PLCG1: variants seen among roughly 807,000 people sequenced by gnomAD.
The protein encoded by PLCG1 is 1-phosphatidylinositol 4,5-bisphosphate phosphodiesterase gamma-1.
PLCG1 carries 71 observed loss-of-function variants against 177.8 expected under a neutral mutation model. The ratio of observed to expected loss-of-function variants is 0.40; its 90% CI spans 0.33 to 0.49. The LOEUF is 0.49. Among genes scored for constraint, PLCG1 ranks in the 20% least tolerant of loss-of-function variants. The pLI, the probability that PLCG1 is intolerant of heterozygous loss-of-function variation, is 0.72. For synonymous variants in PLCG1, 658 were observed against 647.9 expected (o/e 1.02, Z -0.24); for missense variants, 1,281 against 1,709.0 (o/e 0.75, Z 4.42).
chr20:41,172,796 A>G lies in PLCG1; in HGVS notation c.3198A>G (p.Pro1066=), dbSNP rs756544402. ...TGRHCGYVLQ[P]STMRDEAFDP... is the part of the protein sequence containing the mutation. ...GGCACTGTGGCTACGTGCTGCAGCC[A>G]AGCACCATGCGGGATGAGGCCTTCG... Residue 1066 remains proline (P), a synonymous_variant, in exon 27 of 32, where the codon CCA becomes CCG. Coordinates refer to ENST00000685551, the MANE Select transcript of PLCG1 (RefSeq NM_002660.3). The surrounding 1 kb of genome is among the most constrained non-coding windows in gnomAD (Gnocchi z 7.0). 2.5e-6 allele frequency: 4 copies of G among 1,614,152 alleles called. No individual in the cohort carries two copies. The Admixed American group carries it at 6.7e-5, about 27-fold the overall frequency.
Position 41,150,003 on chromosome 20 carries a change from G to C in PLCG1, c.218-9603G>C, listed in dbSNP as rs966211646. ...GAGCCCAGGAGTTCAAGAACAGCCT[G>C]GGCAACATGGCAAAACACCATCTCT... On this transcript the variant is annotated intron_variant, in intron 1 of 31. Transcript: ENST00000685551. The surrounding 1 kb of genome is among the most constrained non-coding windows in gnomAD (Gnocchi z 4.0). Among the ~76,000 whole-genome samples, 6 of 152,280 alleles carry C rather than the reference G, an allele frequency of 3.9e-5. No individual in the cohort carries two copies. The highest frequency in any genetic ancestry group is 1.4e-4 in the African/African-American group (6 of 41,554).
rs1405977911 is a variant in PLCG1, at chr20:41,167,068, G to A, written c.2301+209G>A. Among the ~76,000 whole-genome samples, 2 of 152,190 alleles carry A rather than the reference G, an allele frequency of 1.3e-5. No individual in the cohort carries two copies. The highest frequency in any genetic ancestry group is 2.9e-5 in the Non-Finnish European group (2 of 68,024). On this transcript the variant is annotated intron_variant, in intron 19 of 31. Transcript: ENST00000685551. The surrounding 1 kb of genome is among the most constrained non-coding windows in gnomAD (Gnocchi z 4.4). ...AGCAGCATCTTTAAGGATGGGGACA[G>A]GCACATAAGCAGAGGGTTCCTCATG... is the stretch of plus-strand genomic sequence containing the variant.
chr20:41,164,874 C>A lies in PLCG1; in HGVS notation c.1218-59C>A. 1.3e-6 allele frequency: 2 copies of A among 1,535,450 alleles called. No homozygotes were observed. The highest frequency in any genetic ancestry group is 1.9e-4 in the Middle Eastern group (1 of 5,294). ...GCTTCCAACAGCTCACTGTGAGGGGCTACTTAGACCCAGAGAATTGCAGAA... is the reference window on the plus strand; with the variant it reads ...GCTTCCAACAGCTCACTGTGAGGGGATACTTAGACCCAGAGAATTGCAGAA... On this transcript the variant is annotated intron_variant, in intron 12 of 31. Transcript: ENST00000685551. The surrounding 1 kb of genome is among the most constrained non-coding windows in gnomAD (Gnocchi z 6.4).
intron 1 of PLCG1, among the ~76,000 whole-genome samples, chr20:41,142,775 T>C (rs763353916): frequency 4.6e-5 from 7 of 152,122 alleles, no homozygotes; most frequent in Non-Finnish European, 7.4e-5. Context: ...TTTGTGAGGA[T>C]TTGATGAGAA....
Position 41,146,099 on chromosome 20 carries a change from C to T in PLCG1, c.217+8241C>T, listed in dbSNP as rs1352504174. Among the ~76,000 whole-genome samples, 11 of 152,210 alleles carry T rather than the reference C, an allele frequency of 7.2e-5. No homozygotes were observed. The highest frequency in any genetic ancestry group is 1.9e-4 in the East Asian group (1 of 5,194). ...GGCCCTGGCCCTTCCTGGTGTTGGC[C>T]GGTGGCCCTGGCTTCAGCAAGACTC... On this transcript the variant is annotated intron_variant, in intron 1 of 31. Coordinates refer to ENST00000685551, the MANE Select transcript of PLCG1 (RefSeq NM_002660.3). The surrounding 1 kb of genome is among the most constrained non-coding windows in gnomAD (Gnocchi z 6.3).
Position 41,163,193 on chromosome 20 carries a change from C to T in PLCG1, c.717-10C>T, listed in dbSNP as rs748487926. On this transcript the variant is annotated splice_polypyrimidine_tract_variant and intron_variant, in intron 7 of 31. Coordinates refer to ENST00000685551, the MANE Select transcript of PLCG1 (RefSeq NM_002660.3). The surrounding 1 kb of genome is among the most constrained non-coding windows in gnomAD (Gnocchi z 5.2). The stretch of plus-strand genomic sequence containing the variant: ...GACCATACTAGCTAGCTTACCTTCT[C>T]TCCCTGCAGGGCTGGGGAGCGGCCG... The T allele has an allele frequency of 6.5e-7, 1 of 1,544,786 alleles. No individual in the cohort carries two copies. Among genetic ancestry groups the T allele is most frequent in the East Asian group, 2.3e-5 (1 of 44,386 alleles).
At position 41,148,302 on chromosome 20, in the gene PLCG1, G is replaced by T. The variant is rs568480835; in HGVS notation, c.217+10444G>T. ...GGGTTCAGGGAGTGGCAGAGGGGAA[G>T]GCCTCTATTCTCCCTTTCCCACTTG... On this transcript the variant is annotated intron_variant, in intron 1 of 31. Coordinates refer to ENST00000685551, the MANE Select transcript of PLCG1 (RefSeq NM_002660.3). This position sits in a 1 kb window ranked among gnomAD's most constrained non-coding sequence, Gnocchi z 4.3. Among the ~76,000 whole-genome samples the T allele has an allele frequency of 6.6e-6, 1 of 152,304 alleles. No homozygotes were observed. Among genetic ancestry groups the T allele is most frequent in the East Asian group, 1.9e-4 (1 of 5,186 alleles).
At chr20:41,141,354 T>C (rs2034819052) in intron 1 of PLCG1, among the ~76,000 whole-genome samples, 1 of 152,176 alleles carries the variant, frequency 6.6e-6, no homozygotes, top group Non-Finnish European at 1.5e-5. Context: ...GCAATGACAA[T>C]TGTGAGCAGT....
chr20:41,170,375 G>C (rs1291721964), intron 24 of PLCG1, 106 bp downstream of exon 24: 2 of 1,229,364 alleles, frequency 1.6e-6, no homozygotes, highest in East Asian at 4.9e-5. Context: ...GGCAGCCGAT[G>C]GCCTATGCTA....
rs755617706 is a variant in PLCG1 at position 41,165,815 on chromosome 20, G to A, written c.1788G>A (p.Thr596=). 3.6e-5 allele frequency: 57 copies of A among 1,584,382 alleles called. No homozygotes were observed. The highest frequency in any genetic ancestry group is 4.5e-5 in the East Asian group (2 of 44,400). ...GTGAGACCTTCGTGGGCGACTACAC[G>A]CTCTCTTTCTGGTAACACTTCCCAT... ...RESETFVGDY[T]LSFWRNGKVQ... is the part of the protein sequence containing the mutation. The change falls in exon 16 of 32, where the codon ACG becomes ACA. Residue 596 remains threonine (T), a synonymous_variant. Coordinates refer to ENST00000685551, the MANE Select transcript of PLCG1 (RefSeq NM_002660.3). This position sits in a 1 kb window ranked among gnomAD's most constrained non-coding sequence, Gnocchi z 6.6.
chr20:41,170,402 T>C (rs767447210), intron 24 of PLCG1, 133 bp downstream of exon 24: 1 of 821,068 alleles, frequency 1.2e-6, no homozygotes, highest in Non-Finnish European at 1.9e-6. Context: ...CCACAGCCCC[T>C]GCCTTAGCTA....
At chr20:41,161,505 T>G (rs918143371) in intron 4 of PLCG1, among the ~76,000 whole-genome samples, 2 of 152,102 alleles carry the variant, frequency 1.3e-5, no homozygotes, top group African/African-American at 4.8e-5. Context: ...TGCAGGCAGT[T>G]GCAACCAGAA....
chr20:41,165,376 TG>T lies in PLCG1; in HGVS notation c.1509+12del. 6.2e-7 allele frequency: 1 copy of T among 1,614,160 alleles called. No individual in the cohort carries two copies. The highest frequency in any genetic ancestry group is 2.2e-5 in the East Asian group (1 of 44,890). ...AGGACCCTGTGAACCACGTGAGGACTGGGCCAGGCTGGGGGTGGTAGGCCAG... is the reference window on the plus strand; with the variant it reads ...AGGACCCTGTGAACCACGTGAGGACTGGCCAGGCTGGGGGTGGTAGGCCAG... On this transcript the variant is annotated intron_variant, in intron 14 of 31. Transcript: ENST00000685551. The surrounding 1 kb of genome is among the most constrained non-coding windows in gnomAD (Gnocchi z 6.6).
intron 22 of PLCG1, 95 bp downstream of exon 22, chr20:41,169,270 A>G: frequency 3.0e-6 from 3 of 1,014,514 alleles, no homozygotes; most frequent in Non-Finnish European, 4.7e-6. Flanking sequence ...ACGTGCATGC[A>G]CAGACACCTG....
intron 1 of PLCG1, among the ~76,000 whole-genome samples, chr20:41,138,739 CT>C (rs1377112579): frequency 6.6e-6 from 1 of 152,180 alleles, no homozygotes; most frequent in East Asian, 1.9e-4. Flanking sequence ...AGTTTCCTGC[CT>C]TTTCGCCTTC....
At position 41,176,750 on chromosome 20, in the gene PLCG1, T is replaced by A. The variant is rs951064476; in HGVS notation, c.*2241T>A. 3 of 152,258 alleles carry A rather than the reference T, an allele frequency of 2.0e-5. No homozygotes were observed. The highest frequency in any genetic ancestry group is 4.4e-5 in the Non-Finnish European group (3 of 68,044). 9.4% of individuals were successfully genotyped at this position (152,258 alleles called of 1,614,324 possible). Reference sequence around the variant, plus strand: ...GCCAACTCTCAAGCAAATTTAAAGATCATTTTCACTTCAAGATTCCTCCAG... The same window carrying A: ...GCCAACTCTCAAGCAAATTTAAAGAACATTTTCACTTCAAGATTCCTCCAG... On this transcript the variant is annotated 3_prime_UTR_variant, in exon 32 of 32. Transcript: ENST00000685551.
intron 1 of PLCG1, among the ~76,000 whole-genome samples, chr20:41,143,546 C>T (rs1437141362): frequency 1.3e-5 from 2 of 152,138 alleles, no homozygotes; most frequent in East Asian, 3.8e-4. Context: ...ACAGTGCGTC[C>T]TTGGAGGGAA....
intron 22 of PLCG1, 138 bp from the exon 23 acceptor site, chr20:41,169,319 G>A (rs778558714): frequency 3.4e-5 from 31 of 918,510 alleles, no homozygotes; most frequent in South Asian, 5.5e-5. Flanking sequence ...GGCCATGCAC[G>A]TAGTCTCCCA....
At chr20:41,140,320 C>T (rs2034780251) in intron 1 of PLCG1, among the ~76,000 whole-genome samples, 1 of 152,224 alleles carries the variant, frequency 6.6e-6, no homozygotes, top group African/African-American at 2.4e-5. Context: ...CCTGCTTCTA[C>T]CCATTCGTGG....
Sources: allele counts gnomAD v4.1 joint callset (sites outside exome capture counted in the v4.1 genomes callset), GRCh38; gene constraint gnomAD v4.1.1; non-coding constraint Gnocchi (gnomAD v3.1); transcripts MANE v1.5; gene names NCBI Gene and HGNC (gene_info 2026-07-23, HGNC 2026-07-21).